Variants in PKHD1 observed in about 807,000 individuals in gnomAD.
PKHD1 encodes the protein PKHD1 ciliary IPT domain containing fibrocystin/polyductin, also known as fibrocystin.
A neutral mutation model predicts 412.0 loss-of-function variants in PKHD1; 291 were observed. The observed-to-expected ratio is 0.71, with a 90% confidence interval of 0.64 to 0.78. The LOEUF is 0.78. Ranked by LOEUF, PKHD1 falls within the 30% of genes least tolerant of loss-of-function variation. The probability of loss-of-function intolerance (pLI) is 0.00; values close to 1 mark genes in which losing one functional copy is unlikely to be tolerated. For synonymous variants in PKHD1, 1,777 were observed against 1,821.5 expected (o/e 0.98, Z 0.62); for missense variants, 4,825 against 4,950.7 (o/e 0.97, Z 0.76).
At chr6:51,948,633 G>A (rs982675542) in intron 36 of PKHD1, among the ~76,000 whole-genome samples, 10 of 152,218 alleles carry the variant, frequency 6.6e-5, no homozygotes, top group African/African-American at 2.4e-4. Context: ...CATGGGGAAC[G>A]TGTTAAGTGA....
At chr6:52,029,563 G>A (rs1802736291) in intron 29 of PKHD1, among the ~76,000 whole-genome samples, 1 of 152,222 alleles carries the variant, frequency 6.6e-6, no homozygotes, top group Non-Finnish European at 1.5e-5. Context: ...GAATGGGCAA[G>A]ATGAGAGTTG....
chr6:51,666,754 C>G (rs1397501625), intron 60 of PKHD1, among the ~76,000 whole-genome samples: 2 of 145,086 alleles, frequency 1.4e-5, no homozygotes, highest in Non-Finnish European at 3.0e-5. Context: ...TCCATGTGTT[C>G]TCATTGTTCA....
intron 53 of PKHD1, among the ~76,000 whole-genome samples, chr6:51,779,370 T>C (rs1791596955): frequency 6.6e-6 from 1 of 152,082 alleles, no homozygotes; most frequent in South Asian, 2.1e-4. Flanking sequence ...TGCCACCTCT[T>C]CTGGAAATGC....
At chr6:51,853,760 C>G (rs1772756825) in intron 49 of PKHD1, among the ~76,000 whole-genome samples, 1 of 152,258 alleles carries the variant, frequency 6.6e-6, no homozygotes, top group African/African-American at 2.4e-5. Context: ...TGTTTTTTGG[C>G]TCCATCAGGT....
chr6:51,974,951 C>T (rs1246539418), intron 35 of PKHD1, among the ~76,000 whole-genome samples: 2 of 151,954 alleles, frequency 1.3e-5, no homozygotes, highest in Non-Finnish European at 2.9e-5. Flanking sequence ...CATCAGCAAG[C>T]CAAGGAGAGA....
At chr6:51,649,519 T>A (rs182369618) in intron 61 of PKHD1, among the ~76,000 whole-genome samples, 39 of 152,252 alleles carry the variant, frequency 2.6e-4, no homozygotes, top group Middle Eastern at 3.4e-3. Context: ...CAGTGAAAAT[T>A]AGCCTCAGAC....
At chr6:51,982,212 GC>G (rs1295507708) in intron 35 of PKHD1, among the ~76,000 whole-genome samples, 1 of 31,742 alleles carries the variant, frequency 3.2e-5, no homozygotes. Context: ...CGCCCGGCCA[GC>G]CGCCCCATCC....
chr6:51,722,807 G>C (rs1476868012), intron 60 of PKHD1, among the ~76,000 whole-genome samples: 1 of 152,138 alleles, frequency 6.6e-6, no homozygotes, highest in African/African-American at 2.4e-5. Flanking sequence ...TCAGCTGTAA[G>C]TTCCAAGGTT....
At chr6:51,681,301 G>A (rs1776623086) in intron 60 of PKHD1, among the ~76,000 whole-genome samples, 1 of 151,986 alleles carries the variant, frequency 6.6e-6, no homozygotes, top group African/African-American at 2.4e-5. Context: ...AAGATTTAAT[G>A]CTGTGAATAA....
At chr6:51,623,457 A>G (rs1766872574) in intron 66 of PKHD1, among the ~76,000 whole-genome samples, 1 of 152,090 alleles carries the variant, frequency 6.6e-6, no homozygotes, top group Non-Finnish European at 1.5e-5. Flanking sequence ...TATTTGAGTG[A>G]GTTATTCAAA....
chr6:52,011,295 G>A (rs888175404), intron 34 of PKHD1, among the ~76,000 whole-genome samples: 1 of 152,192 alleles, frequency 6.6e-6, no homozygotes, highest in Non-Finnish European at 1.5e-5. Context: ...CATCCTGGCT[G>A]TAGGCATTTT....
At position 51,874,366 on chromosome 6, in the gene PKHD1, T is replaced by C. The variant is rs567244247; in HGVS notation, c.7351-3727A>G. Among the ~76,000 whole-genome samples, 4 of 152,310 alleles carry C rather than the reference T, an allele frequency of 2.6e-5. No homozygotes were observed. In the South Asian group the frequency reaches 8.3e-4, roughly 32 times the overall value. The stretch of plus-strand genomic sequence containing the variant: ...CAAACTACGCACCCAAACTAGGATA[T>C]ATCGTCATGCTATATAGCACATGTC... On this transcript the variant is annotated intron_variant, in intron 46 of 66. Coordinates refer to ENST00000371117, the MANE Select transcript of PKHD1 (RefSeq NM_138694.4).
At chr6:51,898,208 T>C (rs1440967173) in intron 43 of PKHD1, among the ~76,000 whole-genome samples, 4 of 151,888 alleles carry the variant, frequency 2.6e-5, no homozygotes, top group South Asian at 2.1e-4. Flanking sequence ...CAACAGAATA[T>C]ACATTTTTTT....
At chr6:51,619,633 C>T in intron 66 of PKHD1, 113 bp from the exon 67 acceptor site, 1 of 841,722 alleles carries the variant, frequency 1.2e-6, no homozygotes, top group African/African-American at 1.7e-5. Context: ...GATTGAATTA[C>T]ATCAGCTCTT....
intron 65 of PKHD1, among the ~76,000 whole-genome samples, chr6:51,630,816 C>T (rs1365471904): frequency 1.3e-5 from 2 of 152,144 alleles, no homozygotes; most frequent in Non-Finnish European, 1.5e-5. Flanking sequence ...GATCTGACTA[C>T]TGTAAAACTT....
chr6:51,746,700 T>G, intron 59 of PKHD1, 21 bp downstream of exon 59: 2 of 1,481,592 alleles, frequency 1.3e-6, no homozygotes, highest in Non-Finnish European at 1.9e-6. Context: ...TATGGCTTAT[T>G]ATAAATACTA....
At chr6:51,982,465 A>G (rs1259531909) in intron 35 of PKHD1, among the ~76,000 whole-genome samples, 1 of 137,160 alleles carries the variant, frequency 7.3e-6, no homozygotes, top group African/African-American at 2.6e-5. Flanking sequence ...TTCTGTACTA[A>G]GAAAAATTCT....
At chr6:51,943,776 A>T (rs1788981913) in intron 36 of PKHD1, among the ~76,000 whole-genome samples, 1 of 151,424 alleles carries the variant, frequency 6.6e-6, no homozygotes, top group Middle Eastern at 3.4e-3. Flanking sequence ...TTCTTCTAAC[A>T]ACCCCACAAT....
chr6:51,834,817 A>C (rs767960371), intron 51 of PKHD1, among the ~76,000 whole-genome samples: 1 of 152,188 alleles, frequency 6.6e-6, no homozygotes, highest in Non-Finnish European at 1.5e-5. Flanking sequence ...GCTAGATTTT[A>C]ATATAACTCA....
Sources: gnomAD v4.1 joint callset for allele counts (sites outside exome capture counted in the v4.1 genomes callset) on GRCh38, gnomAD v4.1.1 for gene constraint, MANE v1.5 for transcripts, NCBI Gene and HGNC (gene_info 2026-07-23, HGNC 2026-07-21) for gene names.